TMEM129: variants seen among roughly 807,000 people sequenced by gnomAD.
The protein encoded by TMEM129 is transmembrane protein 129, E3 ubiquitin ligase.
In TMEM129, 35 loss-of-function variants were observed where a neutral mutation model predicts 34.1. The ratio of observed to expected loss-of-function variants is 1.03; its 90% CI spans 0.78 to 1.36. TMEM129 has a LOEUF of 1.36. Among genes scored for constraint, TMEM129 ranks in the 40% most tolerant of loss-of-function variants. TMEM129 has a pLI of 0.00. For synonymous variants in TMEM129, 239 were observed against 217.3 expected (o/e 1.10, Z -0.88); for missense variants, 504 against 512.6 (o/e 0.98, Z 0.16).
rs1412376452 is a variant in TMEM129 at position 1,720,626 on chromosome 4, G to A, written c.205+7C>T. 6.5e-7 allele frequency: 1 copy of A among 1,537,018 alleles called. No individual in the cohort carries two copies. The highest frequency in any genetic ancestry group is 1.2e-5 in the South Asian group (1 of 83,682). ...AGGATGCGGCCGGCCGGCCCGAGCA[G>A]CCTCACCGAGCGGCAGCAGCGAGTG... On this transcript the variant is annotated splice_region_variant and intron_variant, in intron 1 of 3. Coordinates refer to ENST00000382936, the MANE Select transcript of TMEM129 (RefSeq NM_001127266.2). This position sits in a 1 kb window ranked among gnomAD's most constrained non-coding sequence, Gnocchi z 4.4.
rs1345702215 is a variant in TMEM129 at position 1,718,438 on chromosome 4, C to T, written c.394G>A (p.Ala132Thr). The T allele has an allele frequency of 8.2e-6, 13 of 1,587,032 alleles. No individual in the cohort carries two copies. Among genetic ancestry groups the T allele is most frequent in the African/African-American group, 1.3e-5 (1 of 74,390 alleles). Residue 132 changes from alanine to threonine, a missense_variant, in exon 2 of 4, where the codon GCC becomes ACC. Coordinates refer to ENST00000382936, the MANE Select transcript of TMEM129 (RefSeq NM_001127266.2). ...GCCTGCCAGCCAGACTGTGGGAGGGCGTAGAGGGCCAGGGTGCGCGCCAGT... is the reference window on the plus strand; with the variant it reads ...GCCTGCCAGCCAGACTGTGGGAGGGTGTAGAGGGCCAGGGTGCGCGCCAGT... ...HPLARTLALYALPQSGWQAVA... is the reference protein window; with the variant it reads ...HPLARTLALYTLPQSGWQAVA...
chr4:1,717,809 C>G, intron 2 of TMEM129, 134 bp from the exon 3 acceptor site: 3 of 1,291,022 alleles, frequency 2.3e-6, no homozygotes, highest in Non-Finnish European at 3.1e-6. Flanking sequence ...CCAGAGCCCA[C>G]GGACCCAGTG....
rs1174087772 is a variant in TMEM129 at position 1,717,548 on chromosome 4, C to T, written c.808G>A (p.Val270Ile). Residue 270 changes from valine to isoleucine, a missense_variant, in exon 3 of 4, where the codon GTC becomes ATC. Transcript: ENST00000382936. ...FLETFASLVE[V>I]NPAYSVPSSQ... ...CTGGGCACTGAGTAGGCCGGGTTGACCTCTACCAGGGAGGCAAATGTCTCC... is the reference window on the plus strand; with the variant it reads ...CTGGGCACTGAGTAGGCCGGGTTGATCTCTACCAGGGAGGCAAATGTCTCC... The T allele has an allele frequency of 4.5e-6, 7 of 1,545,936 alleles. No individual in the cohort carries two copies. The highest frequency in any genetic ancestry group is 1.4e-5 in the African/African-American group (1 of 73,006).
chr4:1,717,360 C>A lies in TMEM129; in HGVS notation c.909G>T (p.Glu303Asp). Residue 303 changes from glutamate (E) to aspartate (D), a missense_variant, in exon 4 of 4, where the codon GAG becomes GAT. By Grantham distance (45) the Glu-to-Asp change is conservative. Coordinates refer to ENST00000382936, the MANE Select transcript of TMEM129 (RefSeq NM_001127266.2). ...ACTGCTGGCACTCGCCTGTGGCTGC[C>A]TCCTGGCAGGTCTTCACCAGCTTCA... ...ASVKLVKTCQ[E>D]AATGECQQCY... The A allele has an allele frequency of 6.5e-7, 1 of 1,533,524 alleles. No individual in the cohort carries two copies. Among genetic ancestry groups the A allele is most frequent in the African/African-American group, 1.4e-5 (1 of 72,864 alleles). The allele number at this position is 1,533,524 out of a possible 1,614,324, so 95.0% of individuals were successfully genotyped here.
At position 1,721,007 on chromosome 4, in the gene TMEM129, A is replaced by T. The variant is rs1717304371; in HGVS notation, c.-170T>A. 4 of 258,082 alleles carry T rather than the reference A, an allele frequency of 1.5e-5. No homozygotes were observed. The Admixed American group carries it at 2.4e-4, about 16-fold the overall frequency. 16.0% of individuals were successfully genotyped at this position (258,082 alleles called of 1,614,324 possible). A position where few individuals can be genotyped will look rare whatever the true frequency, so the allele number is the denominator to read the frequency against. On this transcript the variant is annotated 5_prime_UTR_variant, in exon 1 of 4. An upstream start codon of the reference 5' UTR is lost. Coordinates refer to ENST00000382936, the MANE Select transcript of TMEM129 (RefSeq NM_001127266.2). Reference sequence around the variant, plus strand: ...GGCCGCCCGCGGGGCACTCTAGGACATGGAGTCCCGCCGCCCGGCCGCCCG... The same window carrying T: ...GGCCGCCCGCGGGGCACTCTAGGACTTGGAGTCCCGCCGCCCGGCCGCCCG...
In TMEM129 at chr4:1,718,270, G is replaced by A. The variant is rs745963815; in HGVS notation, c.562C>T (p.His188Tyr). Residue 188 changes from histidine (H) to tyrosine (Y), a missense_variant, in exon 2 of 4, where the codon CAC becomes TAC. Transcript: ENST00000382936. ...TGCCGAGACTCCGTCACAGTCAGGT[G>A]CACGTCCTGCTGCTGGGCCACGTGC... ...RVHVAQQQDV[H>Y]LTVTESRQHE... 2 of 1,611,998 alleles carry A rather than the reference G, an allele frequency of 1.2e-6. No homozygotes were observed. The highest frequency in any genetic ancestry group is 8.5e-7 in the Non-Finnish European group (1 of 1,179,304).
Position 1,717,540 on chromosome 4 carries a change from C to T in TMEM129, c.816G>A (p.Pro272=), listed in dbSNP as rs1460435833. 4 of 1,542,002 alleles carry T rather than the reference C, an allele frequency of 2.6e-6. No individual in the cohort carries two copies. Among genetic ancestry groups the T allele is most frequent in the Admixed American group, 2.0e-5 (1 of 50,372 alleles). ...ETFASLVEVN[P]AYSVPSSQEL... is the part of the protein sequence containing the mutation. Reference sequence around the variant, plus strand: ...CCTGGCTGCTGGGCACTGAGTAGGCCGGGTTGACCTCTACCAGGGAGGCAA... The same window carrying T: ...CCTGGCTGCTGGGCACTGAGTAGGCTGGGTTGACCTCTACCAGGGAGGCAA... Residue 272 remains proline (P), a synonymous_variant, in exon 3 of 4, where the codon CCG becomes CCA. Transcript: ENST00000382936.
rs1190771711 is a variant in TMEM129 at position 1,721,214 on chromosome 4, G to T, written c.-377C>A. On this transcript the variant is annotated 5_prime_UTR_variant, in exon 1 of 4. Coordinates refer to ENST00000382936, the MANE Select transcript of TMEM129 (RefSeq NM_001127266.2). ...GCACCTGTGCATTGAGCACAGGTGG[G>T]GAAACTTAGGCCTGAGCGAGGCCCT... 1 of 171,542 alleles carries T rather than the reference G, an allele frequency of 5.8e-6. No homozygotes were observed. The highest frequency in any genetic ancestry group is 1.2e-5 in the Non-Finnish European group (1 of 81,990). 10.6% of individuals were successfully genotyped at this position (171,542 alleles called of 1,614,324 possible).
Position 1,717,657 on chromosome 4 carries a change from G to A in TMEM129, c.699C>T (p.Tyr233=), listed in dbSNP as rs1036130439. 8.5e-6 allele frequency: 13 copies of A among 1,528,522 alleles called. No homozygotes were observed. Among genetic ancestry groups the A allele is most frequent in the East Asian group, 7.4e-5 (3 of 40,750 alleles). The allele number at this position is 1,528,522 out of a possible 1,614,324, so 94.7% of individuals were successfully genotyped here. The part of the protein sequence containing the change: ...AFDIWLNSTE[Y]GELCEKLRAP... ...CCCGGAGCTTCTCGCAGAGCTCCCC[G>A]TACTCAGTGGAGTTCAGCCTGCAGG... The change falls in exon 3 of 4, where the codon TAC becomes TAT. Residue 233 remains tyrosine (Y), a synonymous_variant. Coordinates refer to ENST00000382936, the MANE Select transcript of TMEM129 (RefSeq NM_001127266.2).
chr4:1,717,772 G>T, intron 2 of TMEM129, 97 bp from the exon 3 acceptor site: 2 of 1,424,526 alleles, frequency 1.4e-6, no homozygotes, highest in South Asian at 3.0e-5. Context: ...GTCGCACCAG[G>T]ACCAACCAGG....
chr4:1,720,906 G>C lies in TMEM129; in HGVS notation c.-69C>G. The C allele has an allele frequency of 7.5e-7, 1 of 1,327,490 alleles. No homozygotes were observed. Among genetic ancestry groups the C allele is most frequent in the Non-Finnish European group, 9.7e-7 (1 of 1,028,528 alleles). 82.2% of individuals were successfully genotyped at this position (1,327,490 alleles called of 1,614,324 possible). A position where few individuals can be genotyped will look rare whatever the true frequency, so the allele number is the denominator to read the frequency against. ...CGCGCGGACGAGGCCGCAGCGCCCA[G>C]TCCCGGACCTGTCGGTTGCGGCGGC... On this transcript the variant is annotated 5_prime_UTR_variant, in exon 1 of 4. Coordinates refer to ENST00000382936, the MANE Select transcript of TMEM129 (RefSeq NM_001127266.2). The surrounding 1 kb of genome is among the most constrained non-coding windows in gnomAD (Gnocchi z 4.4).
At chr4:1,719,332 T>G in intron 1 of TMEM129, 1 of 425,260 alleles carries the variant, frequency 2.4e-6, no homozygotes, top group Non-Finnish European at 4.8e-6. Context: ...GGCGGACGGA[T>G]CACGAGGTCA....
intron 1 of TMEM129, among the ~76,000 whole-genome samples, chr4:1,719,969 C>T (rs1392813382): frequency 6.6e-6 from 1 of 152,188 alleles, no homozygotes; most frequent in Non-Finnish European, 1.5e-5. Flanking sequence ...AGGGCTGCGT[C>T]TGCCCCCGTG....
chr4:1,720,565 C>T lies in TMEM129; in HGVS notation c.205+68G>A. On this transcript the variant is annotated intron_variant, in intron 1 of 3. Coordinates refer to ENST00000382936, the MANE Select transcript of TMEM129 (RefSeq NM_001127266.2). This position sits in a 1 kb window ranked among gnomAD's most constrained non-coding sequence, Gnocchi z 4.4. ...CGGGGCCTCGGGGAGCTGGCGGAGG[C>T]CTCCTCCTGACCTCCCAGCAAGCCC... The T allele has an allele frequency of 6.8e-7, 1 of 1,470,286 alleles. No homozygotes were observed. Among genetic ancestry groups the T allele is most frequent in the South Asian group, 1.3e-5 (1 of 75,574 alleles). 91.1% of individuals were successfully genotyped at this position (1,470,286 alleles called of 1,614,324 possible).
chr4:1,720,470 G>A lies in TMEM129; in HGVS notation c.205+163C>T, dbSNP rs1717247035. Among the ~76,000 whole-genome samples, 2 of 152,232 alleles carry A rather than the reference G, an allele frequency of 1.3e-5. No homozygotes were observed. The highest frequency in any genetic ancestry group is 4.1e-4 in the South Asian group (2 of 4,830). ...GTCAGTGCCGGCGGCGCCCCTAAGC[G>A]CGCTCAGCCCACGCCGCGGTCCCTC... On this transcript the variant is annotated intron_variant, in intron 1 of 3. Transcript: ENST00000382936. This position sits in a 1 kb window ranked among gnomAD's most constrained non-coding sequence, Gnocchi z 4.4.
Position 1,720,949 on chromosome 4 carries a change from CGGG to C in TMEM129, c.-115_-113del, listed in dbSNP as rs1717297380. ...GCGGCGGCCGCCGCCCGGCCGCCCG[CGGG>C]GCACTCTAGGACATGGAGTCCCGCC... is the stretch of plus-strand genomic sequence containing the variant. On this transcript the variant is annotated 5_prime_UTR_variant, in exon 1 of 4. Coordinates refer to ENST00000382936, the MANE Select transcript of TMEM129 (RefSeq NM_001127266.2). The surrounding 1 kb of genome is among the most constrained non-coding windows in gnomAD (Gnocchi z 4.4). 6 of 850,590 alleles carry C rather than the reference CGGG, an allele frequency of 7.1e-6. No individual in the cohort carries two copies. Among genetic ancestry groups the C allele is most frequent in the Admixed American group, 8.9e-5 (2 of 22,368 alleles). 52.7% of individuals were successfully genotyped at this position (850,590 alleles called of 1,614,324 possible). A position where few individuals can be genotyped will look rare whatever the true frequency, so the allele number is the denominator to read the frequency against.
chr4:1,720,529 C>T lies in TMEM129; in HGVS notation c.205+104G>A. 1 of 1,390,086 alleles carries T rather than the reference C, an allele frequency of 7.2e-7. No homozygotes were observed. Among genetic ancestry groups the T allele is most frequent in the Non-Finnish European group, 9.5e-7 (1 of 1,051,418 alleles). The allele number at this position is 1,390,086 out of a possible 1,614,324, so 86.1% of individuals were successfully genotyped here. A position where few individuals can be genotyped will look rare whatever the true frequency, so the allele number is the denominator to read the frequency against. On this transcript the variant is annotated intron_variant, in intron 1 of 3. Transcript: ENST00000382936. The surrounding 1 kb of genome is among the most constrained non-coding windows in gnomAD (Gnocchi z 4.4). ...GACCGGCGCCTCTCCCCAGCTGCGC[C>T]CAGGCGCTTTCGGGGCCTCGGGGAG...
In TMEM129 at chr4:1,716,355, CAG is replaced by C. The variant is rs1716958259; in HGVS notation, c.*823_*824del. On this transcript the variant is annotated 3_prime_UTR_variant, in exon 4 of 4. Transcript: ENST00000382936. ...AAGACGCCCACCAGAGGCTTGACCACAGGGGGCGTGCATCCCCTTCTGAGCCT... is the reference window on the plus strand; with the variant it reads ...AAGACGCCCACCAGAGGCTTGACCACGGGGCGTGCATCCCCTTCTGAGCCT... The C allele has an allele frequency of 6.6e-6, 1 of 152,398 alleles. No individual in the cohort carries two copies. The highest frequency in any genetic ancestry group is 1.5e-5 in the Non-Finnish European group (1 of 68,154). The allele number at this position is 152,398 out of a possible 1,614,324, so 9.4% of individuals were successfully genotyped here.
At position 1,720,937 on chromosome 4, in the gene TMEM129, C is replaced by G. The variant is rs1167592357; in HGVS notation, c.-100G>C. Reference sequence around the variant, plus strand: ...GACCTGTCGGTTGCGGCGGCCGCCGCCCGGCCGCCCGCGGGGCACTCTAGG... The same window carrying G: ...GACCTGTCGGTTGCGGCGGCCGCCGGCCGGCCGCCCGCGGGGCACTCTAGG... On this transcript the variant is annotated 5_prime_UTR_variant, in exon 1 of 4. Transcript: ENST00000382936. The surrounding 1 kb of genome is among the most constrained non-coding windows in gnomAD (Gnocchi z 4.4). 3 of 1,051,680 alleles carry G rather than the reference C, an allele frequency of 2.9e-6. No homozygotes were observed. The highest frequency in any genetic ancestry group is 3.7e-6 in the Non-Finnish European group (3 of 804,612). 65.1% of individuals were successfully genotyped at this position (1,051,680 alleles called of 1,614,324 possible). A position where few individuals can be genotyped will look rare whatever the true frequency, so the allele number is the denominator to read the frequency against.
Sources: gnomAD v4.1 joint callset for allele counts (sites outside exome capture counted in the v4.1 genomes callset) on GRCh38, gnomAD v4.1.1 for gene constraint, Gnocchi (gnomAD v3.1) non-coding constraint, MANE v1.5 for transcripts, NCBI Gene and HGNC (gene_info 2026-07-23, HGNC 2026-07-21) for gene names.